The following DAP3 variants were observed in gnomAD, a reference collection of about 807,000 sequenced individuals.
DAP3 encodes death associated protein 3.
Under a neutral mutation model 51.9 loss-of-function variants are expected in DAP3, and 28 were observed. The ratio of observed to expected loss-of-function variants is 0.54; its 90% confidence interval spans 0.40 to 0.74. The LOEUF (loss-of-function observed/expected upper bound fraction) is 0.74. DAP3 is among the 30% of genes least tolerant of loss of function. The pLI is 0.00. For synonymous variants in DAP3, 170 were observed against 170.3 expected (o/e 1.00, Z 0.01); for missense variants, 458 against 483.5 (o/e 0.95, Z 0.49).
At chr1:155,731,057 C>T (rs1329255463) in intron 9 of DAP3, among the ~76,000 whole-genome samples, 1 of 152,050 alleles carries the variant, frequency 6.6e-6, no homozygotes, top group Non-Finnish European at 1.5e-5. Context: ...ATCACAAGGT[C>T]AGGAGTTTGA....
At chr1:155,688,221 G>A (rs535995489), upstream of DAP3, 12 of 1,613,494 alleles carry the variant, frequency 7.4e-6, no homozygotes, top group East Asian at 2.5e-4. Context: ...ATGCGAGAGA[G>A]GAGAAGGGAA....
At chr1:155,730,193 T>G (rs1291963454) in intron 9 of DAP3, among the ~76,000 whole-genome samples, 2 of 147,868 alleles carry the variant, frequency 1.4e-5, no homozygotes, top group Admixed American at 6.8e-5. Flanking sequence ...ATATATAATA[T>G]TCATATATGT....
At chr1:155,691,141 TCATGATCCA>T (rs1376888876) in intron 1 of DAP3, among the ~76,000 whole-genome samples, 1 of 141,872 alleles carries the variant, frequency 7.0e-6, no homozygotes, top group Non-Finnish European at 1.5e-5. Flanking sequence ...TCTCCTGACC[TCATGATCCA>T]CCTGCCTCAG....
At chr1:155,725,839 C>T (rs2149184992) in intron 5 of DAP3, 88 bp from the exon 6 acceptor site, 4 of 1,267,142 alleles carry the variant, frequency 3.2e-6, no homozygotes, top group Non-Finnish European at 4.5e-6. Context: ...ACTCCAACCC[C>T]ATCTCAAAAA....
rs1252805980 is a variant in DAP3, at chr1:155,732,129, T to G, written c.993+96T>G. 2.6e-6 allele frequency: 3 copies of G among 1,145,712 alleles called. No individual in the cohort carries two copies. In the African/African-American group the frequency reaches 4.8e-5, roughly 18 times the overall value. The allele number at this position is 1,145,712 out of a possible 1,614,324, so 71.0% of individuals were successfully genotyped here. A position where few individuals can be genotyped will look rare whatever the true frequency, so the allele number is the denominator to read the frequency against. ...TATGTATTTTGACATAATTTCAGAC[T>G]TAGAGAAAAATCATATTCCTGTATG... On this transcript the variant is annotated intron_variant, in intron 11 of 12. Coordinates refer to ENST00000368336, the MANE Select transcript of DAP3 (RefSeq NM_004632.4).
chr1:155,688,698 C>T, upstream of DAP3: 1 of 1,524,316 alleles, frequency 6.6e-7, no homozygotes, highest in Non-Finnish European at 8.7e-7. Flanking sequence ...ACCTCCTCTT[C>T]TCTCCTCCCC....
intron 1 of DAP3, among the ~76,000 whole-genome samples, chr1:155,697,970 C>T (rs1041965418): frequency 1.6e-4 from 25 of 152,164 alleles, no homozygotes; most frequent in African/African-American, 5.8e-4. Context: ...AAGAATTCAG[C>T]GATATTTCTC....
intron 11 of DAP3, chr1:155,736,662 C>T (rs1212128186): frequency 5.3e-6 from 2 of 377,364 alleles, no homozygotes; most frequent in East Asian, 6.5e-5. Flanking sequence ...AGCAATATGC[C>T]CATCTCAGCC....
At chr1:155,735,123 AG>A (rs1194379724) in intron 11 of DAP3, among the ~76,000 whole-genome samples, 1 of 148,932 alleles carries the variant, frequency 6.7e-6, no homozygotes, top group Non-Finnish European at 1.5e-5. Context: ...AAAAAAAAAA[AG>A]AAAAAAAAAT....
Position 155,731,942 on chromosome 1 carries a change from A to G in DAP3, c.904-2A>G, listed in dbSNP as rs1250290091. 7 of 1,603,192 alleles carry G rather than the reference A, an allele frequency of 4.4e-6. No homozygotes were observed. The highest frequency in any genetic ancestry group is 1.1e-5 in the South Asian group (1 of 88,494). On this transcript the variant is annotated splice_acceptor_variant, in intron 10 of 12. Transcript: ENST00000368336. LOFTEE classifies it high-confidence loss of function. ...AGTTCAGCCTTTTCTCTTTTCTTTCAGCATGGAGGCGCCATTGTGTCGGCT... is the reference window on the plus strand; with the variant it reads ...AGTTCAGCCTTTTCTCTTTTCTTTCGGCATGGAGGCGCCATTGTGTCGGCT...
chr1:155,734,472 C>G (rs1659560963), intron 11 of DAP3, among the ~76,000 whole-genome samples: 1 of 152,120 alleles, frequency 6.6e-6, no homozygotes, highest in African/African-American at 2.4e-5. Flanking sequence ...CCACCATATC[C>G]AGCTCCTATC....
intron 1 of DAP3, among the ~76,000 whole-genome samples, chr1:155,699,762 C>T (rs1654953837): frequency 6.6e-6 from 1 of 151,938 alleles, no homozygotes; most frequent in Admixed American, 6.6e-5. Context: ...CACAGGCTCA[C>T]ACCACCACAC....
chr1:155,694,339 C>T (rs577795320), intron 1 of DAP3, among the ~76,000 whole-genome samples: 4 of 141,520 alleles, frequency 2.8e-5, no homozygotes, highest in East Asian at 3.9e-4. Context: ...AAGCCTCAAC[C>T]GGGGGTTCCA....
chr1:155,716,997 C>G lies in DAP3; in HGVS notation c.46-9C>G. The G allele has an allele frequency of 6.2e-7, 1 of 1,609,510 alleles. No individual in the cohort carries two copies. The highest frequency in any genetic ancestry group is 8.5e-7 in the Non-Finnish European group (1 of 1,178,446). On this transcript the variant is annotated splice_polypyrimidine_tract_variant and intron_variant, in intron 2 of 12. Transcript: ENST00000368336. ...TAACCCCGTAACACTGAAATGGTTT[C>G]TCTTATAGTTGGACCCTGGGCGTTT...
chr1:155,725,814 A>G (rs1658513515), intron 5 of DAP3, 113 bp from the exon 6 acceptor site: 1 of 893,614 alleles, frequency 1.1e-6, no homozygotes, highest in Non-Finnish European at 1.7e-6. Context: ...CTGTGAGCTG[A>G]TATCAAGCCA....
intron 4 of DAP3, among the ~76,000 whole-genome samples, chr1:155,724,230 G>A (rs1445628396): frequency 6.6e-6 from 1 of 152,138 alleles, no homozygotes; most frequent in African/African-American, 2.4e-5. Context: ...TTAGTATGCT[G>A]GAGGTATGAG....
chr1:155,688,803 C>T (rs1162575462), upstream of DAP3: 45 of 1,553,416 alleles, frequency 2.9e-5, no homozygotes, highest in South Asian at 3.6e-4. Flanking sequence ...TCCCACAGTC[C>T]CCACCGCGGG....
At position 155,717,148 on chromosome 1, in the gene DAP3, A is replaced by T; in HGVS notation, c.168+20A>T. ...GACCCGGTGAGTTACTAATATGTAT[A>T]TGGGGTTTCTCAGGGCTTATGATTT... On this transcript the variant is annotated intron_variant, in intron 3 of 12. Transcript: ENST00000368336. 1 of 1,607,834 alleles carries T rather than the reference A, an allele frequency of 6.2e-7. No individual in the cohort carries two copies. Among genetic ancestry groups the T allele is most frequent in the Non-Finnish European group, 8.5e-7 (1 of 1,177,580 alleles).
rs147402512 is a variant in DAP3, at chr1:155,689,611, G to A, written c.-8+437G>A. ...AACTCCAAACATGCCTCCAGGGTTG[G>A]TGTGTGAAATAATAAGATAGGGCTG... On this transcript the variant is annotated intron_variant, in intron 1 of 12. Transcript: ENST00000368336. 3.6e-3 allele frequency: 1,306 copies of A among 362,622 alleles called. 17 individuals are homozygous for A. Among genetic ancestry groups the A allele is most frequent in the African/African-American group, 0.026 (1,242 of 46,940 alleles). The allele number at this position is 362,622 out of a possible 1,614,324, so 22.5% of individuals were successfully genotyped here.
Sources: gnomAD v4.1 joint callset for allele counts (sites outside exome capture counted in the v4.1 genomes callset) on GRCh38, gnomAD v4.1.1 for gene constraint, MANE v1.5 for transcripts, NCBI Gene and HGNC (gene_info 2026-07-23, HGNC 2026-07-21) for gene names.